NCOR2: variants seen among roughly 807,000 people sequenced by gnomAD.
The protein encoded by NCOR2 is nuclear receptor corepressor 2.
A neutral mutation model predicts 262.9 loss-of-function variants in NCOR2; 81 were observed. The observed-to-expected ratio is 0.31, with a 90% CI of 0.26 to 0.37. The LOEUF is 0.37. Ranked by LOEUF, NCOR2 falls within the 10% of genes least tolerant of loss-of-function variation. NCOR2 has a pLI of 1.00. For missense variants in NCOR2, 3,385 were observed against 3,621.4 expected (o/e 0.93, Z 1.68); for synonymous variants, 1,659 against 1,559.3 (o/e 1.06, Z -1.51).
At chr12:124,345,217 C>T (rs933545973) in intron 31 of NCOR2, among the ~76,000 whole-genome samples, 5 of 152,110 alleles carry the variant, frequency 3.3e-5, no homozygotes, top group Non-Finnish European at 5.9e-5. Context: ...GTCAACTCTC[C>T]CTGCCGCGAG....
exon 35 of NCOR2, chr12:124,340,639 G>T: frequency 6.7e-7 from 1 of 1,497,272 alleles, no homozygotes. Context: ...GGCTGCTGAA[G>T]GGCTGGGGCG....
intron 1 of NCOR2, among the ~76,000 whole-genome samples, chr12:124,501,720 T>C (rs983185891): frequency 6.6e-6 from 1 of 152,196 alleles, no homozygotes; most frequent in Non-Finnish European, 1.5e-5. Flanking sequence ...ACTAATGTGA[T>C]CTGCAAAAAC....
At chr12:124,438,092 C>A in intron 7 of NCOR2, 96 bp from the exon 10 acceptor site, 2 of 1,235,660 alleles carry the variant, frequency 1.6e-6, no homozygotes, top group Non-Finnish European at 2.3e-6. Flanking sequence ...CCCAAATTTG[C>A]CCCGTTATTG....
chr12:124,325,383 C>CCCT lies in NCOR2; in HGVS notation c.*18_*19insAGG. ...CTCGCTGGGACCTGACACCGCCCCC[C>CCCT]CCCCCGCCCTGTTCTGAGTCACTCG... On this transcript the variant is annotated 3_prime_UTR_variant, in exon 47 of 47. Coordinates refer to ENST00000405201, the Ensembl canonical transcript of NCOR2. The CCCT allele has an allele frequency of 6.8e-6, 3 of 440,024 alleles. 1 individual carries two copies. In the South Asian group the frequency reaches 2.3e-4, roughly 34 times the overall value. 27.3% of individuals were successfully genotyped at this position (440,024 alleles called of 1,614,324 possible).
At chr12:124,522,147 C>G (rs1405677826) in intron 1 of NCOR2, among the ~76,000 whole-genome samples, 1 of 152,236 alleles carries the variant, frequency 6.6e-6, no homozygotes, top group East Asian at 1.9e-4. Context: ...CTGGAGCTAT[C>G]AGACATTCGA....
At chr12:124,372,166 T>A (rs879212118) in exon 20 of NCOR2, 7 of 1,601,266 alleles carry the variant, frequency 4.4e-6, no homozygotes, top group Non-Finnish European at 5.9e-6. Flanking sequence ...GAGCGCCCCC[T>A]CGGCCGTGGC....
chr12:124,344,498 A>C, intron 32 of NCOR2, 99 bp downstream of exon 34: 4 of 1,122,568 alleles, frequency 3.6e-6, no homozygotes, highest in Non-Finnish European at 3.6e-6. Context: ...GCGGGTGGCG[A>C]GGATATCCCA....
At position 124,402,504 on chromosome 12, in the gene NCOR2, G is replaced by A. The variant is rs376621472; in HGVS notation, c.1540C>T (p.Arg514Cys). ...TCATCTTTCTCCTCCTGGCTGCTGC[G>A]GGGCATGGGCTGCTGCTGCTGCTGC... The change falls in exon 14 of 47, where the codon CGC becomes TGC. Residue 514 changes from arginine to cysteine, a missense_variant. Arg to Cys is a radical substitution (Grantham distance 180, BLOSUM62 -3). Coordinates refer to ENST00000405201, the Ensembl canonical transcript of NCOR2. 2.6e-5 allele frequency: 41 copies of A among 1,559,610 alleles called. No homozygotes were observed. The highest frequency in any genetic ancestry group is 4.2e-5 in the African/African-American group (3 of 72,108).
At chr12:124,429,538 T>C (rs1446377539) in intron 10 of NCOR2, 75 bp downstream of exon 12, 9 of 1,476,708 alleles carry the variant, frequency 6.1e-6, no homozygotes, top group African/African-American at 1.4e-5. Flanking sequence ...AGGTGGTTTC[T>C]GGCTAGGGCC....
intron 23 of NCOR2, among the ~76,000 whole-genome samples, chr12:124,356,041 C>T (rs1477843128): frequency 1.3e-5 from 2 of 152,232 alleles, no homozygotes; most frequent in African/African-American, 4.8e-5. Flanking sequence ...CACTGGGCAC[C>T]GAGCTTCGGC....
At chr12:124,346,424 G>C in intron 31 of NCOR2, 140 bp downstream of exon 33, 1 of 949,896 alleles carries the variant, frequency 1.1e-6, no homozygotes. Flanking sequence ...CTGAGGCCCG[G>C]TGATGAGCAG....
intron 13 of NCOR2, among the ~76,000 whole-genome samples, chr12:124,409,458 C>T (rs749140972): frequency 2.6e-5 from 4 of 152,358 alleles, no homozygotes; most frequent in South Asian, 2.1e-4. Flanking sequence ...AGAAGCCTTG[C>T]GGCCAGCTCC....
At chr12:124,490,320 G>A (rs1240956905) in intron 1 of NCOR2, among the ~76,000 whole-genome samples, 5 of 152,176 alleles carry the variant, frequency 3.3e-5, no homozygotes, top group Non-Finnish European at 7.3e-5. Flanking sequence ...TCAGCTCCCT[G>A]AGACAAGGAT....
chr12:124,461,778 C>G (rs1218592301), intron 5 of NCOR2, among the ~76,000 whole-genome samples: 1 of 152,228 alleles, frequency 6.6e-6, no homozygotes, highest in African/African-American at 2.4e-5. Context: ...TGCACAGATG[C>G]ACGAATACCT....
At position 124,355,610 on chromosome 12, in the gene NCOR2, C is replaced by T. The variant is rs199826429; in HGVS notation, c.3242-39G>A. On this transcript the variant is annotated intron_variant, in intron 23 of 46. Coordinates refer to ENST00000405201, the Ensembl canonical transcript of NCOR2. ...GTCTGTCCATTGTGGGGCCCAGGAG[C>T]GGTCACGTCCCTGCCGGACACACAC... 351 of 1,512,114 alleles carry T rather than the reference C, an allele frequency of 2.3e-4. No individual in the cohort carries two copies. The African/African-American group carries it at 3.8e-3, about 17-fold the overall frequency. The allele number at this position is 1,512,114 out of a possible 1,614,324, so 93.7% of individuals were successfully genotyped here.
Position 124,466,169 on chromosome 12 carries a change from A to G in NCOR2, c.705+4T>C. The G allele has an allele frequency of 6.2e-7, 1 of 1,606,416 alleles. No individual in the cohort carries two copies. Among genetic ancestry groups the G allele is most frequent in the Non-Finnish European group, 8.5e-7 (1 of 1,176,688 alleles). On this transcript the variant is annotated splice_donor_region_variant and intron_variant, in intron 5 of 46. Transcript: ENST00000405201. ...GGGCAGCAGGCCAGGGCGGGGACAC[A>G]TACCCGGTTCTCGTCGTAGATGATC...
At chr12:124,520,222 T>C (rs868107007) in intron 1 of NCOR2, among the ~76,000 whole-genome samples, 1 of 152,174 alleles carries the variant, frequency 6.6e-6, no homozygotes, top group African/African-American at 2.4e-5. Context: ...TCTTACGCCT[T>C]CTTTTATAGG....
At chr12:124,325,978 C>T in intron 46 of NCOR2, 1 of 519,390 alleles carries the variant, frequency 1.9e-6, no homozygotes, top group South Asian at 4.3e-5. Flanking sequence ...GCCCCAACCA[C>T]ACCCTTTTCC....
chr12:124,325,379 C>CCCCGG, exon 47 of NCOR2: 3 of 317,188 alleles, frequency 9.5e-6, no homozygotes, highest in Non-Finnish European at 1.0e-5. Flanking sequence ...CTGACACCGC[C>CCCCGG]CCCCCCCCCG....
Sources: gnomAD v4.1 joint callset for allele counts (sites outside exome capture counted in the v4.1 genomes callset) on GRCh38, gnomAD v4.1.1 for gene constraint, MANE v1.5 for transcripts, NCBI Gene and HGNC (gene_info 2026-07-23, HGNC 2026-07-21) for gene names.